The following COBLL1 variants were observed in gnomAD, a reference collection of about 807,000 sequenced individuals.
The protein encoded by COBLL1 is cordon-bleu protein-like 1.
Under a neutral mutation model 94.8 loss-of-function variants are expected in COBLL1, and 50 were observed. The ratio of observed to expected loss-of-function variants is 0.53; its 90% confidence interval spans 0.42 to 0.67. The LOEUF is 0.67. COBLL1 is among the 30% of genes least tolerant of loss of function. COBLL1 has a pLI of 0.00. For missense variants in COBLL1, 1,362 were observed against 1,348.7 expected (o/e 1.01, Z -0.15); for synonymous variants, 448 against 473.8 (o/e 0.95, Z 0.71).
intron 4 of COBLL1, among the ~76,000 whole-genome samples, chr2:164,729,042 A>G (rs1685853298): frequency 6.6e-6 from 1 of 151,916 alleles, no homozygotes; most frequent in Non-Finnish European, 1.5e-5. Flanking sequence ...CTAGAAAAAC[A>G]GCAGGGATAT....
chr2:164,800,699 T>C, intron 2 of COBLL1: 1 of 606,536 alleles, frequency 1.6e-6, no homozygotes, highest in Non-Finnish European at 2.9e-6. Context: ...AGTACATCCA[T>C]ACTACAAAAT....
At chr2:164,702,558 C>CAAAAA (rs56011410) in intron 9 of COBLL1, among the ~76,000 whole-genome samples, 1,645 of 82,022 alleles carry the variant, frequency 0.02, 22 homozygotes, top group Non-Finnish European at 0.032. Flanking sequence ...TGAGACTCCT[C>CAAAAA]AAAAAAAAAA....
intron 2 of COBLL1, among the ~76,000 whole-genome samples, chr2:164,818,033 T>C (rs960123194): frequency 1.3e-5 from 2 of 151,902 alleles, no homozygotes; most frequent in Non-Finnish European, 2.9e-5. Flanking sequence ...CTTTACTAAA[T>C]GAAGATATCA....
rs1306249639 is a variant in COBLL1, at chr2:164,831,551, T to TC, written c.41+9604_41+9605insG. On this transcript the variant is annotated intron_variant, in intron 2 of 13. Coordinates refer to ENST00000652658, the MANE Select transcript of COBLL1 (RefSeq NM_001365672.2). ...ACAGAAAAAATATTTTTTTTTGCTT[T>TC]AAGTTAAAGCACCTAGCTGCCATCT... 4.6e-5 allele frequency among the ~76,000 whole-genome samples: 7 copies of TC among 152,056 alleles called. No homozygotes were observed. The East Asian group carries it at 1.4e-3, about 29-fold the overall frequency.
intron 2 of COBLL1, among the ~76,000 whole-genome samples, chr2:164,749,172 T>TG: frequency 6.6e-6 from 1 of 152,276 alleles, no homozygotes; most frequent in South Asian, 2.1e-4. Flanking sequence ...AGGTTTAAAA[T>TG]GCTGTATGAG....
At chr2:164,716,236 T>A (rs1685164595) in intron 7 of COBLL1, among the ~76,000 whole-genome samples, 1 of 152,198 alleles carries the variant, frequency 6.6e-6, no homozygotes. Context: ...TGACTTCCCA[T>A]TTCACAAATG....
intron 2 of COBLL1, among the ~76,000 whole-genome samples, chr2:164,789,311 G>C (rs531374552): frequency 8.5e-5 from 13 of 152,288 alleles, no homozygotes; most frequent in African/African-American, 2.9e-4. Context: ...GGGAAGAAAT[G>C]ACCTGGCCAG....
chr2:164,678,999 C>T (rs1052575182), downstream of COBLL1, among the ~76,000 whole-genome samples: 2 of 152,136 alleles, frequency 1.3e-5, no homozygotes, highest in African/African-American at 4.8e-5. Context: ...AGAGTCTTTC[C>T]TCTTATATTC....
At chr2:164,763,150 C>T (rs914095162) in intron 2 of COBLL1, among the ~76,000 whole-genome samples, 9 of 152,126 alleles carry the variant, frequency 5.9e-5, no homozygotes, top group African/African-American at 1.7e-4. Context: ...TTTACTGTCT[C>T]GCCATTTATA....
At chr2:164,705,127 T>TA in intron 7 of COBLL1, 22 bp from the exon 8 acceptor site, 1 of 1,488,548 alleles carries the variant, frequency 6.7e-7, no homozygotes, top group Non-Finnish European at 8.9e-7. Flanking sequence ...AATGACCAAA[T>TA]AAAATCCTAC....
At chr2:164,724,745 C>A (rs1037020321) in intron 5 of COBLL1, 1 of 151,792 alleles carries the variant, frequency 6.6e-6, no homozygotes, top group Non-Finnish European at 1.5e-5. Flanking sequence ...AAATACCTGT[C>A]TAAGAAAACC....
At chr2:164,792,450 G>C (rs1683238924) in intron 2 of COBLL1, among the ~76,000 whole-genome samples, 1 of 152,008 alleles carries the variant, frequency 6.6e-6, no homozygotes, top group African/African-American at 2.4e-5. Context: ...GGCTCTCCTT[G>C]GGGTTCAGCC....
intron 2 of COBLL1, among the ~76,000 whole-genome samples, chr2:164,658,411 C>T (rs986849031): frequency 5.9e-5 from 9 of 152,064 alleles, no homozygotes; most frequent in East Asian, 1.9e-4. Flanking sequence ...GCTAGCAGGC[C>T]GGTCCAGGGG....
rs536433680 is a variant in COBLL1, at chr2:164,824,539, C to T, written c.41+16617G>A. Among the ~76,000 whole-genome samples the T allele has an allele frequency of 1.1e-4, 17 of 152,202 alleles. No homozygotes were observed. In the East Asian group the frequency reaches 2.5e-3, roughly 22 times the overall value. On this transcript the variant is annotated intron_variant, in intron 2 of 13. Coordinates refer to ENST00000652658, the MANE Select transcript of COBLL1 (RefSeq NM_001365672.2). ...TTCCATTTTGAAAGTCCATTATGCA[C>T]GTTCACATATTAAAATCTCTGGGAA...
intron 2 of COBLL1, among the ~76,000 whole-genome samples, chr2:164,778,464 G>A (rs1044587333): frequency 6.6e-6 from 1 of 152,046 alleles, no homozygotes; most frequent in African/African-American, 2.4e-5. Context: ...CTTAGCCAGG[G>A]TTGTGGCATG....
At chr2:164,657,978 C>T (rs1276946897) in intron 2 of COBLL1, among the ~76,000 whole-genome samples, 1 of 151,986 alleles carries the variant, frequency 6.6e-6, no homozygotes, top group Non-Finnish European at 1.5e-5. Flanking sequence ...GGAGGGGACC[C>T]AAAGGGGGTT....
At chr2:164,750,702 C>T (rs961343456) in intron 2 of COBLL1, among the ~76,000 whole-genome samples, 2 of 152,158 alleles carry the variant, frequency 1.3e-5, no homozygotes, top group Non-Finnish European at 2.9e-5. Flanking sequence ...CCTTCACTGG[C>T]CTTCCAATGC....
intron 3 of COBLL1, among the ~76,000 whole-genome samples, chr2:164,741,013 T>C (rs1448343539): frequency 6.6e-6 from 1 of 152,072 alleles, no homozygotes; most frequent in Non-Finnish European, 1.5e-5. Flanking sequence ...CAGTGGCTCA[T>C]GTCTGTAATC....
intron 2 of COBLL1, among the ~76,000 whole-genome samples, chr2:164,788,231 C>G (rs1223159165): frequency 6.6e-6 from 1 of 152,192 alleles, no homozygotes; most frequent in Non-Finnish European, 1.5e-5. Flanking sequence ...TCGGTTAAAT[C>G]TAGTTCAGAG....
Sources: allele counts gnomAD v4.1 joint callset (sites outside exome capture counted in the v4.1 genomes callset), GRCh38; gene constraint gnomAD v4.1.1; transcripts MANE v1.5; gene names NCBI Gene and HGNC (gene_info 2026-07-23, HGNC 2026-07-21).